EPRS1: variants seen among roughly 807,000 people sequenced by gnomAD.
EPRS1 encodes glutamyl-prolyl-tRNA synthetase 1.
EPRS1 carries 107 observed loss-of-function variants against 188.3 expected under a neutral mutation model. That is an observed-to-expected ratio of 0.57 (90% CI 0.49 to 0.67). The LOEUF is 0.67. EPRS1 is among the 30% of genes least tolerant of loss of function. EPRS1 has a pLI of 0.00. For synonymous variants in EPRS1, 596 were observed against 593.1 expected (o/e 1.00, Z -0.07); for missense variants, 1,577 against 1,802.2 (o/e 0.88, Z 2.26).
Position 220,010,972 on chromosome 1 carries a change from T to C in EPRS1, c.1579A>G (p.Met527Val). 2 of 1,611,860 alleles carry C rather than the reference T, an allele frequency of 1.2e-6. No individual in the cohort carries two copies. The highest frequency in any genetic ancestry group is 2.2e-5 in the South Asian group (2 of 91,042). ...TTTGGGTGTTTGGCTACTTCTTTCA[T>C]CTCCTCCTGAGCTTCAGGTACATTC... ...PVNVPEAQEE[M>V]KEVAKHPKNP... The change falls in exon 13 of 32, where the codon ATG (methionine) becomes GTG (valine). Residue 527 changes from methionine (M) to valine (V), a missense_variant. Transcript: ENST00000366923.
intron 16 of EPRS1, among the ~76,000 whole-genome samples, chr1:220,001,596 C>T (rs1661353503): frequency 6.6e-6 from 1 of 152,170 alleles, no homozygotes; most frequent in Non-Finnish European, 1.5e-5. Flanking sequence ...CTCAGCCTCC[C>T]AAAGTGCTGG....
intron 17 of EPRS1, among the ~76,000 whole-genome samples, chr1:219,999,301 C>G (rs769820083): frequency 2.5e-4 from 38 of 152,034 alleles, no homozygotes; most frequent in Non-Finnish European, 4.6e-4. Context: ...GTCAACTGTA[C>G]CTGAATATTG....
At chr1:220,045,748 T>C (rs1662389701) in intron 1 of EPRS1, among the ~76,000 whole-genome samples, 1 of 152,186 alleles carries the variant, frequency 6.6e-6, no homozygotes, top group African/African-American at 2.4e-5. Context: ...CCTGGGTGTT[T>C]TCCCCAATTA....
rs998246958 is a variant in EPRS1 at position 219,973,769 on chromosome 1, G to A, written c.4084-371C>T. Among the ~76,000 whole-genome samples the A allele has an allele frequency of 1.1e-4, 16 of 152,144 alleles. 1 individual carries two copies. Among genetic ancestry groups the A allele is most frequent in the Admixed American group, 5.9e-4 (9 of 15,278 alleles). ...AAGCCACTGAGGGGATCAGTAACATGACACATTTTTGACTCATTCCTGATA... is the reference window on the plus strand; with the variant it reads ...AAGCCACTGAGGGGATCAGTAACATAACACATTTTTGACTCATTCCTGATA... On this transcript the variant is annotated intron_variant, in intron 28 of 31. Coordinates refer to ENST00000366923, the MANE Select transcript of EPRS1 (RefSeq NM_004446.3).
intron 4 of EPRS1, 126 bp from the exon 5 acceptor site, chr1:220,032,652 A>G: frequency 2.2e-6 from 2 of 888,954 alleles, no homozygotes; most frequent in Non-Finnish European, 3.6e-6. Context: ...TGAAATGTTA[A>G]ATATCTGGAT....
intron 1 of EPRS1, among the ~76,000 whole-genome samples, chr1:220,040,850 TA>T (rs61548054): frequency 1.1e-3 from 150 of 140,938 alleles, no homozygotes; most frequent in Middle Eastern, 3.5e-3. Context: ...AACTGCGTCT[TA>T]AAAAAAAAAA....
chr1:220,005,388 A>T, intron 15 of EPRS1, 28 bp from the exon 16 acceptor site: 1 of 1,131,508 alleles, frequency 8.8e-7, no homozygotes, highest in South Asian at 1.4e-5. Context: ...ACCAAAGTAC[A>T]CTTTCTCAAA....
intron 28 of EPRS1, 144 bp downstream of exon 28, chr1:219,978,402 A>G (rs1285158297): frequency 1.2e-5 from 7 of 590,886 alleles, no homozygotes; most frequent in Non-Finnish European, 8.6e-6. Flanking sequence ...TCAGTGCTCA[A>G]CAGTTTAAGT....
At chr1:220,011,498 G>A (rs989601953) in intron 12 of EPRS1, among the ~76,000 whole-genome samples, 1 of 152,054 alleles carries the variant, frequency 6.6e-6, no homozygotes, top group Non-Finnish European at 1.5e-5. Context: ...ATCAGTGTTA[G>A]GGTAACACAT....
At chr1:220,015,195 T>C (rs1024876279) in intron 12 of EPRS1, among the ~76,000 whole-genome samples, 4 of 152,142 alleles carry the variant, frequency 2.6e-5, no homozygotes, top group African/African-American at 9.7e-5. Flanking sequence ...CCGGGCACAG[T>C]GGCACACACC....
intron 12 of EPRS1, among the ~76,000 whole-genome samples, chr1:220,014,956 T>C: frequency 6.6e-6 from 1 of 152,218 alleles, no homozygotes; most frequent in South Asian, 2.1e-4. Context: ...GAGAGTTATT[T>C]TGAAAATTCA....
chr1:220,017,264 A>C (rs941341936), intron 12 of EPRS1, among the ~76,000 whole-genome samples: 2 of 152,164 alleles, frequency 1.3e-5, no homozygotes, highest in African/African-American at 4.8e-5. Context: ...GAAGAGATGA[A>C]AGTGCTTTCT....
At position 220,033,610 on chromosome 1, in the gene EPRS1, A is replaced by C. The variant is rs1662124832; in HGVS notation, c.280T>G (p.Ser94Ala). Residue 94 changes from serine to alanine, a missense_variant, in exon 4 of 32, where the codon TCC becomes GCC. Transcript: ENST00000366923. ...AGTTCATTAATTGTAGAAGTAAAGG[A>C]ATCACATGAAGATAATTTTGTAGCA... is the stretch of plus-strand genomic sequence containing the variant. ...FSATKLSSCD[S>A]FTSTINELNH... 9 of 1,608,752 alleles carry C rather than the reference A, an allele frequency of 5.6e-6. No individual in the cohort carries two copies. The highest frequency in any genetic ancestry group is 7.7e-6 in the Non-Finnish European group (9 of 1,175,394).
intron 13 of EPRS1, among the ~76,000 whole-genome samples, chr1:220,008,217 C>T (rs186910778): frequency 4.4e-4 from 66 of 150,516 alleles, no homozygotes; most frequent in African/African-American, 1.6e-3. Flanking sequence ...TATAGGACAA[C>T]AGATGCCACC....
rs1401982545 is a variant in EPRS1, at chr1:219,981,374, C to T, written c.3453+4G>A. On this transcript the variant is annotated splice_donor_region_variant and intron_variant, in intron 24 of 31. Transcript: ENST00000366923. ...ATAGAATACAAGAGGGGGTGAATAC[C>T]TACCACCACATTGCACCACTGATTG... 2 of 1,583,696 alleles carry T rather than the reference C, an allele frequency of 1.3e-6. No individual in the cohort carries two copies. Among genetic ancestry groups the T allele is most frequent in the Non-Finnish European group, 8.6e-7 (1 of 1,159,216 alleles).
At chr1:220,021,202 G>T (rs1275083347) in intron 9 of EPRS1, among the ~76,000 whole-genome samples, 1 of 151,368 alleles carries the variant, frequency 6.6e-6, no homozygotes, top group Admixed American at 6.6e-5. Context: ...CTTTTTGTTT[G>T]TCTAGAGACA....
chr1:219,969,339 G>T, intron 30 of EPRS1: 2 of 532,910 alleles, frequency 3.8e-6, no homozygotes, highest in Non-Finnish European at 6.7e-6. Context: ...TACGCTCACA[G>T]CACATCAAGA....
chr1:219,970,435 A>G (rs1660642885), intron 30 of EPRS1, among the ~76,000 whole-genome samples: 1 of 152,208 alleles, frequency 6.6e-6, no homozygotes, highest in Non-Finnish European at 1.5e-5. Context: ...AGTGAAAGAA[A>G]AAACACAGTG....
At chr1:220,003,454 G>A (rs917364300) in intron 16 of EPRS1, among the ~76,000 whole-genome samples, 1 of 152,096 alleles carries the variant, frequency 6.6e-6, no homozygotes, top group Non-Finnish European at 1.5e-5. Context: ...TGTGATTTAG[G>A]TGTTATATCC....
Sources: gnomAD v4.1 joint callset for allele counts (sites outside exome capture counted in the v4.1 genomes callset) on GRCh38, gnomAD v4.1.1 for gene constraint, MANE v1.5 for transcripts, NCBI Gene and HGNC (gene_info 2026-07-23, HGNC 2026-07-21) for gene names.